Variants in ZNF140 observed in about 807,000 individuals in gnomAD.
ZNF140 encodes zinc finger protein 140.
ZNF140 carries 13 observed loss-of-function variants against 12.9 expected under a neutral mutation model. The observed-to-expected ratio is 1.01, with a 90% CI of 0.66 to 1.60. ZNF140 has a LOEUF of 1.60. Among genes scored for constraint, ZNF140 ranks in the 40% most tolerant of loss-of-function variants. The pLI, the probability that ZNF140 is intolerant of heterozygous loss-of-function variation, is 0.00. For missense variants in ZNF140, 531 were observed against 548.8 expected (o/e 0.97, Z 0.32); for synonymous variants, 214 against 186.7 (o/e 1.15, Z -1.19).
intron 4 of ZNF140, among the ~76,000 whole-genome samples, chr12:133,090,533 T>C (rs1301843478): frequency 6.6e-6 from 1 of 152,058 alleles, no homozygotes; most frequent in Non-Finnish European, 1.5e-5. Flanking sequence ...GATGATTGAT[T>C]TATGAAGGGG....
intron 4 of ZNF140, among the ~76,000 whole-genome samples, chr12:133,096,874 T>A (rs1002392767): frequency 2.0e-5 from 3 of 152,260 alleles, no homozygotes. Context: ...ATCAGTTGAT[T>A]GATGGTGCTG....
intron 4 of ZNF140, among the ~76,000 whole-genome samples, chr12:133,090,775 G>C (rs1301807059): frequency 2.1e-5 from 3 of 143,162 alleles, no homozygotes; most frequent in East Asian, 3.9e-4. Flanking sequence ...TGATAATAAG[G>C]AGAAGGTCAG....
In ZNF140 at chr12:133,105,735, A is replaced by G. The variant is rs1441583354; in HGVS notation, c.458A>G (p.Asn153Ser). ...CAAGAAGCCCTGGCTCAACATATGA[A>G]TATCAGTACTGTGGAGAGGCCCTAT... ...SHQEALAQHM[N>S]ISTVERPYGC... is the part of the protein sequence containing the mutation. The change falls in exon 5 of 5, where the codon AAT (asparagine) becomes AGT (serine). Residue 153 changes from asparagine (N) to serine (S), a missense_variant. By Grantham distance (46) the Asn-to-Ser change is conservative (BLOSUM62 1). Transcript: ENST00000355557. 1.1e-4 allele frequency: 185 copies of G among 1,614,076 alleles called. No homozygotes were observed. Among genetic ancestry groups the G allele is most frequent in the Non-Finnish European group, 1.4e-4 (170 of 1,180,040 alleles).
intron 4 of ZNF140, among the ~76,000 whole-genome samples, chr12:133,089,094 C>T (rs1347418233): frequency 1.3e-5 from 2 of 152,116 alleles, no homozygotes; most frequent in African/African-American, 4.8e-5. Context: ...GAAGTTTTCC[C>T]TCCGTTTCTG....
At chr12:133,100,160 GTTTTTTTTTTTTTTT>G (rs58610589) in intron 4 of ZNF140, among the ~76,000 whole-genome samples, 10 of 60,978 alleles carry the variant, frequency 1.6e-4, no homozygotes, top group Non-Finnish European at 2.6e-4. Context: ...TGCCTTTTCC[GTTTTTTTTTTTTTTT>G]TTTTTTTTTT....
At chr12:133,096,159 C>T (rs777030851) in intron 4 of ZNF140, among the ~76,000 whole-genome samples, 3,316 of 146,090 alleles carry the variant, frequency 0.023, 80 homozygotes, top group Non-Finnish European at 0.028. Context: ...GGCAGAGGTC[C>T]CTGTGGCTTT....
chr12:133,088,629 C>T (rs1263404071), intron 4 of ZNF140, among the ~76,000 whole-genome samples: 1 of 152,212 alleles, frequency 6.6e-6, no homozygotes, highest in Admixed American at 6.5e-5. Context: ...AGGAGTGTGA[C>T]TGCTGGGTCA....
Position 133,107,250 on chromosome 12 carries a change from A to C in ZNF140, c.*599A>C, listed in dbSNP as rs1262308320. 1.3e-5 allele frequency: 2 copies of C among 152,232 alleles called. No individual in the cohort carries two copies. The highest frequency in any genetic ancestry group is 3.9e-4 in the East Asian group (2 of 5,194). The allele number at this position is 152,232 out of a possible 1,614,324, so 9.4% of individuals were successfully genotyped here. A position where few individuals can be genotyped will look rare whatever the true frequency, so the allele number is the denominator to read the frequency against. On this transcript the variant is annotated 3_prime_UTR_variant, in exon 5 of 5. Transcript: ENST00000355557. ...CAATATTTCAAACCTATATCAGAGAATTACACTGTGGGAAAACTACCATTG... is the reference window on the plus strand; with the variant it reads ...CAATATTTCAAACCTATATCAGAGACTTACACTGTGGGAAAACTACCATTG...
In ZNF140 at chr12:133,106,833, T is replaced by G; in HGVS notation, c.*182T>G. 1 of 477,926 alleles carries G rather than the reference T, an allele frequency of 2.1e-6. No homozygotes were observed. The highest frequency in any genetic ancestry group is 4.6e-5 in the South Asian group (1 of 21,968). 29.6% of individuals were successfully genotyped at this position (477,926 alleles called of 1,614,324 possible). On this transcript the variant is annotated 3_prime_UTR_variant, in exon 5 of 5. Coordinates refer to ENST00000355557, the MANE Select transcript of ZNF140 (RefSeq NM_003440.4). Reference sequence around the variant, plus strand: ...ACCCAGGAATATGTGGAAAAGCCATTAATAACCACTCTTTTATTTTTTTGC... The same window carrying G: ...ACCCAGGAATATGTGGAAAAGCCATGAATAACCACTCTTTTATTTTTTTGC...
At chr12:133,091,087 T>A (rs747570616) in intron 4 of ZNF140, among the ~76,000 whole-genome samples, 1 of 139,834 alleles carries the variant, frequency 7.2e-6, no homozygotes, top group Non-Finnish European at 1.6e-5. Flanking sequence ...CCTCTTTTAC[T>A]CATCCATCTC....
chr12:133,090,764 G>A (rs1210876681), intron 4 of ZNF140, among the ~76,000 whole-genome samples: 4 of 145,144 alleles, frequency 2.8e-5, no homozygotes, highest in Non-Finnish European at 6.1e-5. Context: ...GGAGAGCAGG[G>A]TGATAATAAG....
chr12:133,081,095 C>G (rs1287809466), intron 1 of ZNF140, 23 bp downstream of exon 1: 2 of 252,892 alleles, frequency 7.9e-6, no homozygotes, highest in Admixed American at 5.2e-5. Flanking sequence ...TGGGGAGGCG[C>G]GCCGTGGCAG....
rs1955603268 is a variant in ZNF140 at position 133,106,478 on chromosome 12, A to G, written c.1201A>G (p.Ile401Val). ...DKAFSRSFSL[I>V]LHQRTHTGEK... is the part of the protein sequence containing the mutation. ...AGCCTTCAGCCGGAGCTTTTCCCTCATTCTACATCAGAGAACTCATACTGG... is the reference window on the plus strand; with the variant it reads ...AGCCTTCAGCCGGAGCTTTTCCCTCGTTCTACATCAGAGAACTCATACTGG... Residue 401 changes from isoleucine to valine, a missense_variant, in exon 5 of 5, where the codon ATT (isoleucine) becomes GTT (valine). By Grantham distance (29) the Ile-to-Val change is conservative. Transcript: ENST00000355557. 1.2e-6 allele frequency: 2 copies of G among 1,614,108 alleles called. No individual in the cohort carries two copies. Among genetic ancestry groups the G allele is most frequent in the Admixed American group, 3.3e-5 (2 of 60,020 alleles).
chr12:133,083,629 C>T, intron 4 of ZNF140, 68 bp downstream of exon 4: 1 of 1,443,516 alleles, frequency 6.9e-7, no homozygotes. Flanking sequence ...AAAAGGAATA[C>T]TTTTTAATAT....
chr12:133,106,610 AATTC>A lies in ZNF140; in HGVS notation c.1337_1340del (p.Ser446LeufsTer44), dbSNP rs1329014130. On this transcript the variant is annotated frameshift_variant, in exon 5 of 5. Transcript: ENST00000355557. LOFTEE classifies it low-confidence loss of function (END_TRUNC). ...TCTTGACAACCCCTATGAATATGAA[AATTC>A]ATTTAATTACCACTCATTCCTTACT... 8.7e-6 allele frequency: 14 copies of A among 1,604,670 alleles called. No individual in the cohort carries two copies. The highest frequency in any genetic ancestry group is 1.2e-5 in the Non-Finnish European group (14 of 1,177,216).
chr12:133,090,683 C>T (rs1244875515), intron 4 of ZNF140, among the ~76,000 whole-genome samples: 1 of 149,208 alleles, frequency 6.7e-6, no homozygotes, highest in Non-Finnish European at 1.5e-5. Context: ...AGGACCTGCA[C>T]CAGCACCGGC....
At chr12:133,095,960 A>AG in intron 4 of ZNF140, among the ~76,000 whole-genome samples, 1 of 151,166 alleles carries the variant, frequency 6.6e-6, no homozygotes, top group Non-Finnish European at 1.5e-5. Flanking sequence ...TTCAGTTCCC[A>AG]GGGGCAGGCA....
intron 1 of ZNF140, 57 bp from the exon 2 acceptor site, chr12:133,081,216 G>A (rs1209706428): frequency 3.4e-6 from 3 of 872,060 alleles, no homozygotes; most frequent in Non-Finnish European, 5.5e-6. Flanking sequence ...GGAATCTAGT[G>A]ACTTGGGCGC....
Position 133,105,375 on chromosome 12 carries a change from T to C in ZNF140, c.233-135T>C. 3.5e-6 allele frequency: 3 copies of C among 858,710 alleles called. No individual in the cohort carries two copies. In the East Asian group the frequency reaches 8.0e-5, roughly 23 times the overall value. The allele number at this position is 858,710 out of a possible 1,614,324, so 53.2% of individuals were successfully genotyped here. A position where few individuals can be genotyped will look rare whatever the true frequency, so the allele number is the denominator to read the frequency against. On this transcript the variant is annotated intron_variant, in intron 4 of 4. Coordinates refer to ENST00000355557, the MANE Select transcript of ZNF140 (RefSeq NM_003440.4). ...GAAGTTCTGGGCATACTACTCAGATTTCAGTCACAGCTGTGAAAGCTGCTA... is the reference window on the plus strand; with the variant it reads ...GAAGTTCTGGGCATACTACTCAGATCTCAGTCACAGCTGTGAAAGCTGCTA...
Sources: gnomAD v4.1 joint callset for allele counts (sites outside exome capture counted in the v4.1 genomes callset) on GRCh38, gnomAD v4.1.1 for gene constraint, MANE v1.5 for transcripts, NCBI Gene and HGNC (gene_info 2026-07-23, HGNC 2026-07-21) for gene names.